Variants in SCAPER observed in about 807,000 individuals in gnomAD.
The protein encoded by SCAPER is S-phase cyclin A associated protein in the ER, also known as S phase cyclin A-associated protein in the endoplasmic reticulum.
In SCAPER, 98 loss-of-function variants were observed where a neutral mutation model predicts 182.2. The ratio of observed to expected loss-of-function variants is 0.54; its 90% CI spans 0.46 to 0.64. The LOEUF is 0.64. SCAPER is among the 30% of genes least tolerant of loss of function. The probability of loss-of-function intolerance (pLI) is 0.00; values close to 1 mark genes in which losing one functional copy is unlikely to be tolerated. For missense variants in SCAPER, 1,432 were observed against 1,690.0 expected (o/e 0.85, Z 2.68); for synonymous variants, 605 against 564.6 (o/e 1.07, Z -1.01).
intron 29 of SCAPER, among the ~76,000 whole-genome samples, chr15:76,364,498 G>A (rs1409001868): frequency 2.0e-5 from 3 of 152,218 alleles, no homozygotes; most frequent in Admixed American, 6.5e-5. Flanking sequence ...TTCTCATGTA[G>A]TGAGGGGTGA....
chr15:76,748,153 G>A lies in SCAPER; in HGVS notation c.1866+5655C>T, dbSNP rs146731858. Among the ~76,000 whole-genome samples the A allele has an allele frequency of 2.3e-3, 352 of 151,998 alleles. 4 individuals carry two copies. In the South Asian group the frequency reaches 0.025, roughly 11 times the overall value. ...TTACAGGCATGCGCCACCATGCCGC[G>A]CTAATTTTGTATTTTTAGTAGAGAC... is the stretch of plus-strand genomic sequence containing the variant. On this transcript the variant is annotated intron_variant, in intron 15 of 31. Transcript: ENST00000563290.
intron 2 of SCAPER, among the ~76,000 whole-genome samples, chr15:76,867,531 T>G (rs966595474): frequency 6.6e-6 from 1 of 152,192 alleles, no homozygotes. Context: ...GGTAAAACCA[T>G]AGATGAACTA....
chr15:76,646,686 C>G (rs1280298728), intron 21 of SCAPER, among the ~76,000 whole-genome samples: 1 of 152,198 alleles, frequency 6.6e-6, no homozygotes, highest in African/African-American at 2.4e-5. Flanking sequence ...CACAGCGACT[C>G]CTTTTCCAAA....
intron 22 of SCAPER, among the ~76,000 whole-genome samples, chr15:76,616,519 G>A (rs1243948529): frequency 6.6e-6 from 1 of 152,090 alleles, no homozygotes; most frequent in African/African-American, 2.4e-5. Flanking sequence ...AGTTTTATAA[G>A]ATGAAAATAG....
At chr15:76,562,786 A>C (rs2046744622) in intron 23 of SCAPER, among the ~76,000 whole-genome samples, 1 of 152,234 alleles carries the variant, frequency 6.6e-6, no homozygotes, top group Non-Finnish European at 1.5e-5. Context: ...TTTTGCACAA[A>C]TACCAGGATA....
intron 23 of SCAPER, among the ~76,000 whole-genome samples, chr15:76,532,522 A>G (rs1266159310): frequency 6.6e-6 from 1 of 151,902 alleles, no homozygotes; most frequent in Non-Finnish European, 1.5e-5. Context: ...TTTCTTTACC[A>G]TATTTTCTCT....
At chr15:76,441,513 C>A (rs1233215962) in intron 25 of SCAPER, among the ~76,000 whole-genome samples, 1 of 152,138 alleles carries the variant, frequency 6.6e-6, no homozygotes, top group Non-Finnish European at 1.5e-5. Flanking sequence ...TCATGATGCC[C>A]AAGGAAGCCC....
Position 76,703,011 on chromosome 15 carries a change from G to A in SCAPER, c.2248-9C>T. On this transcript the variant is annotated splice_polypyrimidine_tract_variant and intron_variant, in intron 18 of 31. Coordinates refer to ENST00000563290, the MANE Select transcript of SCAPER (RefSeq NM_020843.4). ...CGAATACTTTCATCATGCTGTAGAT[G>A]AAGTCAAAGTGCAAGAATTTCAAAA... is the stretch of plus-strand genomic sequence containing the variant. 1.3e-6 allele frequency: 2 copies of A among 1,529,134 alleles called. No homozygotes were observed. Among genetic ancestry groups the A allele is most frequent in the Non-Finnish European group, 8.7e-7 (1 of 1,143,250 alleles). 94.7% of individuals were successfully genotyped at this position (1,529,134 alleles called of 1,614,324 possible). A position where few individuals can be genotyped will look rare whatever the true frequency, so the allele number is the denominator to read the frequency against.
At chr15:76,388,390 AG>A (rs756906910) in intron 27 of SCAPER, among the ~76,000 whole-genome samples, 1 of 152,006 alleles carries the variant, frequency 6.6e-6, no homozygotes, top group Non-Finnish European at 1.5e-5. Context: ...TAGGAGTTCA[AG>A]GCTGCAGTGA....
intron 27 of SCAPER, among the ~76,000 whole-genome samples, chr15:76,399,709 C>G (rs1375429045): frequency 6.6e-6 from 1 of 151,974 alleles, no homozygotes; most frequent in Non-Finnish European, 1.5e-5. Flanking sequence ...TTCGGAAAAC[C>G]TAGGTAAAAA....
At chr15:76,579,335 T>G (rs538209195) in intron 22 of SCAPER, among the ~76,000 whole-genome samples, 1 of 145,010 alleles carries the variant, frequency 6.9e-6, no homozygotes, top group Admixed American at 6.8e-5. Flanking sequence ...CAAGAAGATA[T>G]GAATAGAAAC....
chr15:76,676,324 C>T (rs1423819779), intron 20 of SCAPER, among the ~76,000 whole-genome samples: 1 of 152,140 alleles, frequency 6.6e-6, no homozygotes, highest in Non-Finnish European at 1.5e-5. Context: ...CCTTTTATTT[C>T]AAATGCTGTT....
intron 23 of SCAPER, among the ~76,000 whole-genome samples, chr15:76,543,573 T>G (rs2044979599): frequency 6.6e-6 from 1 of 152,182 alleles, no homozygotes. Flanking sequence ...ACTAGATATA[T>G]CTGCTACCCT....
At chr15:76,735,697 C>CA (rs34341849) in intron 15 of SCAPER, among the ~76,000 whole-genome samples, 54,674 of 106,248 alleles carry the variant, frequency 0.51, 13,804 homozygotes, top group Middle Eastern at 0.62. Flanking sequence ...GACTCCGTCT[C>CA]AAAAAAAAAA....
intron 24 of SCAPER, among the ~76,000 whole-genome samples, chr15:76,497,004 A>G (rs1333074637): frequency 2.0e-5 from 3 of 152,034 alleles, no homozygotes; most frequent in African/African-American, 7.2e-5. Context: ...TCCAGGAGAA[A>G]ATGAACAACC....
At chr15:76,435,932 G>C (rs1004876489) in intron 25 of SCAPER, among the ~76,000 whole-genome samples, 3 of 152,150 alleles carry the variant, frequency 2.0e-5, no homozygotes, top group Non-Finnish European at 4.4e-5. Context: ...CCTTGGTATA[G>C]ATTTTCTTTT....
chr15:76,627,555 G>A (rs748501132), intron 21 of SCAPER, among the ~76,000 whole-genome samples: 3 of 151,988 alleles, frequency 2.0e-5, no homozygotes, highest in Non-Finnish European at 4.4e-5. Flanking sequence ...TTGGTTTTCT[G>A]TTCCTGTGTT....
At chr15:76,860,812 AGAATAAAACAGGT>A in intron 3 of SCAPER, among the ~76,000 whole-genome samples, 1 of 152,324 alleles carries the variant, frequency 6.6e-6, no homozygotes, top group African/African-American at 2.4e-5. Flanking sequence ...TAAATTTAAG[AGAATAAAACAGGT>A]GAATTCTTGT....
chr15:76,542,034 T>C (rs1295718209), intron 23 of SCAPER, among the ~76,000 whole-genome samples: 1 of 152,138 alleles, frequency 6.6e-6, no homozygotes, highest in Non-Finnish European at 1.5e-5. Context: ...TTCGGAAAAA[T>C]CTGGACATTC....
Sources: gnomAD v4.1 joint callset for allele counts (sites outside exome capture counted in the v4.1 genomes callset) on GRCh38, gnomAD v4.1.1 for gene constraint, MANE v1.5 for transcripts, NCBI Gene and HGNC (gene_info 2026-07-23, HGNC 2026-07-21) for gene names.